Variants in NSG1 observed in about 807,000 individuals in gnomAD.
NSG1 encodes neuronal vesicle trafficking-associated protein 1.
NSG1 carries 9 observed loss-of-function variants against 19.3 expected under a neutral mutation model. The observed-to-expected ratio is 0.47, with a 90% CI of 0.28 to 0.81. The LOEUF (loss-of-function observed/expected upper bound fraction) is 0.81. Ranked by LOEUF, NSG1 falls within the 40% of genes least tolerant of loss-of-function variation. The pLI is 0.11. For synonymous variants in NSG1, 104 were observed against 107.0 expected, an observed-to-expected ratio of 0.97 and a Z score of 0.17; for missense variants, 236 against 242.4, an observed-to-expected ratio of 0.97 and a Z score of 0.18.
In NSG1 at chr4:4,397,039, C is replaced by CTGTGTGTGTGTGTGTGTG. The variant is rs61613589; in HGVS notation, c.246+5452_246+5469dup. ...TCAGATACCACGTGGGTTCAGTCAT[C>CTGTGTGTGTGTGTGTGTG]TGTGTGTGTGTGTGTGTGTGTATGT... On this transcript the variant is annotated intron_variant, in intron 3 of 4. Transcript: ENST00000621129. 4.0e-5 allele frequency among the ~76,000 whole-genome samples: 6 copies of CTGTGTGTGTGTGTGTGTG among 150,146 alleles called. No homozygotes were observed. The East Asian group carries it at 8.0e-4, about 20-fold the overall frequency.
chr4:4,392,970 C>T (rs183057944), intron 3 of NSG1, among the ~76,000 whole-genome samples: 1 of 152,204 alleles, frequency 6.6e-6, no homozygotes, highest in East Asian at 1.9e-4. Context: ...ACATACTGAT[C>T]CGAGGTCAAT....
intron 2 of NSG1, 24 bp downstream of exon 2, chr4:4,387,782 C>T (rs767726948): frequency 7.0e-6 from 11 of 1,576,652 alleles, no homozygotes; most frequent in Non-Finnish European, 9.6e-6. Flanking sequence ...CGCCCCTCCA[C>T]GTTGCCGGGT....
intron 3 of NSG1, among the ~76,000 whole-genome samples, chr4:4,395,477 A>T (rs1326968218): frequency 6.6e-6 from 1 of 152,166 alleles, no homozygotes; most frequent in African/African-American, 2.4e-5. Flanking sequence ...GATTTCTGGC[A>T]TCCCTGAACG....
chr4:4,393,812 C>T (rs1312653074), intron 3 of NSG1, among the ~76,000 whole-genome samples: 3 of 152,146 alleles, frequency 2.0e-5, no homozygotes, highest in Non-Finnish European at 4.4e-5. Flanking sequence ...CACATCCCTC[C>T]CCACTCCCAT....
chr4:4,400,039 A>G (rs758072329), intron 3 of NSG1, among the ~76,000 whole-genome samples: 3 of 152,180 alleles, frequency 2.0e-5, no homozygotes, highest in Non-Finnish European at 4.4e-5. Flanking sequence ...CCCCTGATCT[A>G]AGACACCATT....
At chr4:4,391,690 G>A (rs981168084) in intron 3 of NSG1, 99 bp downstream of exon 3, 15 of 713,676 alleles carry the variant, frequency 2.1e-5, no homozygotes, top group Admixed American at 5.6e-5. Flanking sequence ...GTTTGACGCC[G>A]TTTGTCTGGG....
Position 4,404,015 on chromosome 4 carries a change from G to A in NSG1, c.247-5558G>A, listed in dbSNP as rs531617074. Among the ~76,000 whole-genome samples, 129 of 152,298 alleles carry A rather than the reference G, an allele frequency of 8.5e-4. 1 individual carries two copies. The highest frequency in any genetic ancestry group is 6.2e-4 in the Non-Finnish European group (42 of 68,032). On this transcript the variant is annotated intron_variant, in intron 3 of 4. Coordinates refer to ENST00000621129, the MANE Select transcript of NSG1 (RefSeq NM_014392.5). ...GTTTTAAACTTGCTATGCCGCTATC[G>A]CTACTTGGAGTGGAGTCCAGATGAT...
At chr4:4,410,065 T>C (rs572312668) in intron 4 of NSG1, among the ~76,000 whole-genome samples, 1 of 151,810 alleles carries the variant, frequency 6.6e-6, no homozygotes, top group East Asian at 1.9e-4. Context: ...GTCCGCCACA[T>C]GAAAGAGGAG....
At chr4:4,410,162 C>A (rs1452916315) in intron 4 of NSG1, among the ~76,000 whole-genome samples, 1 of 152,164 alleles carries the variant, frequency 6.6e-6, no homozygotes, top group Non-Finnish European at 1.5e-5. Flanking sequence ...CTGGGGGGCA[C>A]ACCCACCCTC....
rs182918424 is a variant in NSG1, at chr4:4,416,737, C to T, written c.358-498C>T. On this transcript the variant is annotated intron_variant, in intron 4 of 4. Coordinates refer to ENST00000621129, the MANE Select transcript of NSG1 (RefSeq NM_014392.5). ...CATGACCACCTAGTGGCTCTGTGTG[C>T]CTCTTCTGACTCCCGCCCCAAGGCC... Among the ~76,000 whole-genome samples, 63 of 151,968 alleles carry T rather than the reference C, an allele frequency of 4.1e-4. 1 individual carries two copies. Among genetic ancestry groups the T allele is most frequent in the Middle Eastern group, 3.4e-3 (1 of 290 alleles).
rs1429595336 is a variant in NSG1, at chr4:4,387,702, A to G, written c.73A>G (p.Ile25Val). Residue 25 changes from isoleucine to valine, a missense_variant, in exon 2 of 5, where the codon ATT becomes GTT. Transcript: ENST00000621129. ...QPLLEDGFDT[I>V]PLMTPLDVNQ... ...GCTGCTGGAGGATGGCTTCGACACC[A>G]TTCCCCTGATGACGCCCCTCGATGT... is the stretch of plus-strand genomic sequence containing the variant. 14 of 1,613,688 alleles carry G rather than the reference A, an allele frequency of 8.7e-6. No individual in the cohort carries two copies. Among genetic ancestry groups the G allele is most frequent in the African/African-American group, 4.0e-5 (3 of 75,040 alleles).
chr4:4,391,597 T>C lies in NSG1; in HGVS notation c.246+6T>C. 6.3e-7 allele frequency: 1 copy of C among 1,584,360 alleles called. No individual in the cohort carries two copies. Among genetic ancestry groups the C allele is most frequent in the Non-Finnish European group, 8.6e-7 (1 of 1,158,206 alleles). Reference sequence around the variant, plus strand: ...GTGTCACCGAGAGGTTTAAGGTGAGTGGTCCTGTGCTGGGTGAGATGCTGC... The same window carrying C: ...GTGTCACCGAGAGGTTTAAGGTGAGCGGTCCTGTGCTGGGTGAGATGCTGC... On this transcript the variant is annotated splice_donor_region_variant and intron_variant, in intron 3 of 4. Transcript: ENST00000621129.
At chr4:4,407,390 G>C (rs1312572553) in intron 3 of NSG1, among the ~76,000 whole-genome samples, 1 of 152,114 alleles carries the variant, frequency 6.6e-6, no homozygotes, top group Non-Finnish European at 1.5e-5. Flanking sequence ...GAGCTGGGGA[G>C]ATGGGAGGGC....
At chr4:4,412,530 G>A (rs1724267929) in intron 4 of NSG1, among the ~76,000 whole-genome samples, 1 of 152,004 alleles carries the variant, frequency 6.6e-6, no homozygotes, top group Non-Finnish European at 1.5e-5. Flanking sequence ...GAAGGCCAGG[G>A]AGCTGCTGGT....
chr4:4,390,763 G>C (rs542845391), intron 2 of NSG1, among the ~76,000 whole-genome samples: 1 of 152,330 alleles, frequency 6.6e-6, no homozygotes, highest in East Asian at 1.9e-4. Context: ...CTGAGGCCAG[G>C]GCTGTGAGTG....
chr4:4,414,846 T>C (rs1365949823), intron 4 of NSG1, among the ~76,000 whole-genome samples: 3 of 151,856 alleles, frequency 2.0e-5, no homozygotes, highest in Non-Finnish European at 2.9e-5. Flanking sequence ...GGGACAGGCT[T>C]TTTCTGGACA....
chr4:4,406,828 A>C (rs773680232), intron 3 of NSG1, among the ~76,000 whole-genome samples: 1 of 152,156 alleles, frequency 6.6e-6, no homozygotes, highest in African/African-American at 2.4e-5. Context: ...AGCCTGTCCC[A>C]ACCCCAGGCA....
chr4:4,387,561 C>CCGGGGGGGGTGGGGG, intron 1 of NSG1, 43 bp from the exon 2 acceptor site: 1 of 1,141,992 alleles, frequency 8.8e-7, no homozygotes, highest in Non-Finnish European at 1.2e-6. Context: ...CGCCCCGCCC[C>CCGGGGGGGGTGGGGG]GGGTCTTGCT....
intron 4 of NSG1, among the ~76,000 whole-genome samples, chr4:4,411,296 A>G (rs1724166031): frequency 6.6e-6 from 1 of 152,148 alleles, no homozygotes; most frequent in Admixed American, 6.5e-5. Context: ...TTTACTTCCA[A>G]CACATTTTTG....
Sources: gnomAD v4.1 joint callset for allele counts (sites outside exome capture counted in the v4.1 genomes callset) on GRCh38, gnomAD v4.1.1 for gene constraint, MANE v1.5 for transcripts, NCBI Gene and HGNC (gene_info 2026-07-23, HGNC 2026-07-21) for gene names.